Variants in PSME4 observed in about 807,000 individuals in gnomAD.
PSME4 encodes proteasome activator subunit 4, also known as proteasome activator complex subunit 4.
PSME4 carries 89 observed loss-of-function variants against 253.9 expected under a neutral mutation model. The observed-to-expected ratio is 0.35, with a 90% CI of 0.30 to 0.42. The LOEUF is 0.42. Ranked by LOEUF, PSME4 falls within the 10% of genes least tolerant of loss-of-function variation. The probability of loss-of-function intolerance (pLI) is 1.00; values close to 1 mark genes in which losing one functional copy is unlikely to be tolerated. For synonymous variants in PSME4, 851 were observed against 759.2 expected, an observed-to-expected ratio of 1.12 and a Z score of -1.99; for missense variants, 2,014 against 2,195.2, an observed-to-expected ratio of 0.92 and a Z score of 1.65.
rs763421444 is a variant in PSME4 at position 53,875,773 on chromosome 2, A to G, written c.4816-18T>C. ...GGGGCAATCTAAAAAACAATGTAAA[A>G]AGGACAAAAATGGAAAAATAATTGC... On this transcript the variant is annotated intron_variant, in intron 41 of 46. Transcript: ENST00000404125. The G allele has an allele frequency of 6.2e-6, 10 of 1,605,906 alleles. No homozygotes were observed. The South Asian group carries it at 1.0e-4, about 16-fold the overall frequency.
intron 1 of PSME4, among the ~76,000 whole-genome samples, chr2:53,969,261 G>A (rs1670906839): frequency 6.6e-6 from 1 of 152,188 alleles, no homozygotes; most frequent in African/African-American, 2.4e-5. Context: ...TAGTCAAGGG[G>A]AGAGCTGTTA....
At chr2:53,967,510 C>T (rs1222248728) in intron 1 of PSME4, among the ~76,000 whole-genome samples, 2 of 151,542 alleles carry the variant, frequency 1.3e-5, no homozygotes, top group Non-Finnish European at 2.9e-5. Flanking sequence ...GGCGTGGCAG[C>T]GCACAACTGT....
chr2:53,890,375 T>C (rs959079358), intron 36 of PSME4, among the ~76,000 whole-genome samples, 167 bp from the exon 37 acceptor site: 2 of 152,194 alleles, frequency 1.3e-5, no homozygotes, highest in Non-Finnish European at 1.5e-5. Context: ...GGAATGATCA[T>C]ACCTCGATGT....
chr2:53,887,244 AT>A lies in PSME4; in HGVS notation c.4729+14del, dbSNP rs774359705. 11 of 1,595,862 alleles carry A rather than the reference AT, an allele frequency of 6.9e-6. No individual in the cohort carries two copies. Among genetic ancestry groups the A allele is most frequent in the Admixed American group, 1.7e-5 (1 of 59,868 alleles). ...GATGTTTTCAACTGAGTTTCTACTAATTTTATCCACTCACTGGTTTTCAAGA... is the reference window on the plus strand; with the variant it reads ...GATGTTTTCAACTGAGTTTCTACTAATTTATCCACTCACTGGTTTTCAAGA... On this transcript the variant is annotated intron_variant, in intron 40 of 46. Coordinates refer to ENST00000404125, the MANE Select transcript of PSME4 (RefSeq NM_014614.3).
intron 1 of PSME4, among the ~76,000 whole-genome samples, chr2:53,954,285 G>A (rs951017758): frequency 7.3e-5 from 11 of 151,062 alleles, no homozygotes; most frequent in South Asian, 6.3e-4. Context: ...CCAAGATCTC[G>A]CTGCTGCACT....
chr2:53,949,487 AT>A (rs1357000832), intron 1 of PSME4, among the ~76,000 whole-genome samples: 2 of 141,778 alleles, frequency 1.4e-5, no homozygotes, highest in Admixed American at 1.4e-4. Context: ...AAAACTTTTT[AT>A]TGGTTTTCTG....
Position 53,923,415 on chromosome 2 carries a change from G to T in PSME4, c.1814C>A (p.Ala605Asp). Reference protein sequence around the residue: ...TQCSKEIFMVALQKVFNFSTS... With the variant: ...TQCSKEIFMVDLQKVFNFSTS... The stretch of plus-strand genomic sequence containing the variant: ...AGAAAAATTAAAAACCTTCTGAAGG[G>T]CCACCTGTTAAGATATGAAAATGTT... Residue 605 changes from alanine to aspartate, a missense_variant, in exon 15 of 47, where the codon GCC (alanine) becomes GAC (aspartate). This residue lies in a region of PSME4 where 989 missense variants were observed against 1,021.1 expected (regional missense o/e 0.97). Transcript: ENST00000404125. The T allele has an allele frequency of 6.3e-7, 1 of 1,597,966 alleles. No homozygotes were observed. The highest frequency in any genetic ancestry group is 8.5e-7 in the Non-Finnish European group (1 of 1,174,628).
At chr2:53,950,510 G>A (rs1488864893) in intron 1 of PSME4, among the ~76,000 whole-genome samples, 1 of 152,116 alleles carries the variant, frequency 6.6e-6, no homozygotes, top group Non-Finnish European at 1.5e-5. Flanking sequence ...TATAAACAAT[G>A]TAATCAAAAG....
At chr2:53,896,706 G>A (rs1680153096) in intron 32 of PSME4, 98 bp downstream of exon 32, 1 of 883,972 alleles carries the variant, frequency 1.1e-6, no homozygotes, top group Non-Finnish European at 1.9e-6. Context: ...AATATCCATA[G>A]AACAATATTT....
rs549340587 is a variant in PSME4 at position 53,867,837 on chromosome 2, A to T, written c.5264-957T>A. 7.2e-5 allele frequency among the ~76,000 whole-genome samples: 11 copies of T among 152,194 alleles called. No individual in the cohort carries two copies. The East Asian group carries it at 1.9e-3, about 27-fold the overall frequency. On this transcript the variant is annotated intron_variant, in intron 44 of 46. Coordinates refer to ENST00000404125, the MANE Select transcript of PSME4 (RefSeq NM_014614.3). ...TGACGCCCCTACCCAGAATACATCA[A>T]TTCATTAGTAAACACATCATGTATG...
intron 1 of PSME4, among the ~76,000 whole-genome samples, chr2:53,962,214 G>T (rs1431754187): frequency 6.6e-6 from 1 of 152,146 alleles, no homozygotes; most frequent in Non-Finnish European, 1.5e-5. Flanking sequence ...GCTTGTAAGA[G>T]AAGTTACTAT....
chr2:53,936,014 C>T, intron 7 of PSME4, 73 bp downstream of exon 7: 1 of 1,534,792 alleles, frequency 6.5e-7, no homozygotes, highest in Non-Finnish European at 8.8e-7. Context: ...CTGCCTCAGC[C>T]ACCCGAGCAG....
rs754985872 is a variant in PSME4 at position 53,921,084 on chromosome 2, C to T, written c.2067G>A (p.Arg689=). 7 of 1,613,680 alleles carry T rather than the reference C, an allele frequency of 4.3e-6. No homozygotes were observed. Among genetic ancestry groups the T allele is most frequent in the Non-Finnish European group, 5.9e-6 (7 of 1,179,926 alleles). The stretch of plus-strand genomic sequence containing the variant: ...GCTGCTCCCTATAAAGAAGCAACTT[C>T]CTTCCATCCACTCGAGTAATCTAAA... ...LLSEITRVDG[R]KLLLYREQLV... Residue 689 remains arginine, a synonymous_variant, in exon 18 of 47, where the codon AGG becomes AGA. Coordinates refer to ENST00000404125, the MANE Select transcript of PSME4 (RefSeq NM_014614.3).
intron 5 of PSME4, 65 bp downstream of exon 5, chr2:53,937,326 A>G (rs1669170997): frequency 5.9e-6 from 8 of 1,359,996 alleles, no homozygotes; most frequent in Non-Finnish European, 8.0e-6. Flanking sequence ...TTATTGTTTT[A>G]CTAGTTTCTT....
rs956120034 is a variant in PSME4 at position 53,970,880 on chromosome 2, G to A, written c.-96C>T. On this transcript the variant is annotated 5_prime_UTR_variant, in exon 1 of 47. Transcript: ENST00000404125. The stretch of plus-strand genomic sequence containing the variant: ...GCCTCCTCCGCGTCTTCGTCGCCCT[G>A]CGGCCGCTGGCGGCCCGTCGCCCTC... 3 of 1,066,890 alleles carry A rather than the reference G, an allele frequency of 2.8e-6. No individual in the cohort carries two copies. The highest frequency in any genetic ancestry group is 1.8e-5 in the African/African-American group (1 of 56,822). The allele number at this position is 1,066,890 out of a possible 1,614,324, so 66.1% of individuals were successfully genotyped here. A position where few individuals can be genotyped will look rare whatever the true frequency, so the allele number is the denominator to read the frequency against.
chr2:53,915,554 G>C lies in PSME4; in HGVS notation c.2516+3597C>G, dbSNP rs533674006. Among the ~76,000 whole-genome samples the C allele has an allele frequency of 1.1e-4, 17 of 151,782 alleles. No individual in the cohort carries two copies. The South Asian group carries it at 3.1e-3, about 28-fold the overall frequency. Reference sequence around the variant, plus strand: ...AGTCTGGGCAACATAGTGAGACCTTGTCTCTCTATATTTTTTTTAAAGTAG... The same window carrying C: ...AGTCTGGGCAACATAGTGAGACCTTCTCTCTCTATATTTTTTTTAAAGTAG... On this transcript the variant is annotated intron_variant, in intron 20 of 46. Coordinates refer to ENST00000404125, the MANE Select transcript of PSME4 (RefSeq NM_014614.3).
At chr2:53,969,089 C>T (rs1463992075) in intron 1 of PSME4, among the ~76,000 whole-genome samples, 2 of 152,184 alleles carry the variant, frequency 1.3e-5, no homozygotes, top group African/African-American at 2.4e-5. Flanking sequence ...GCCTGAGCAA[C>T]ACAAAAACCT....
At chr2:53,875,568 T>C in intron 42 of PSME4, 59 bp downstream of exon 42, 1 of 1,509,400 alleles carries the variant, frequency 6.6e-7, no homozygotes, top group Non-Finnish European at 9.0e-7. Context: ...TGACTGAAAT[T>C]CTTAGAATGG....
In PSME4 at chr2:53,903,964, T is replaced by C. The variant is rs1034900049; in HGVS notation, c.3075+61A>G. The C allele has an allele frequency of 4.2e-6, 6 of 1,415,312 alleles. No homozygotes were observed. The African/African-American group carries it at 8.6e-5, about 20-fold the overall frequency. The allele number at this position is 1,415,312 out of a possible 1,614,324, so 87.7% of individuals were successfully genotyped here. A position where few individuals can be genotyped will look rare whatever the true frequency, so the allele number is the denominator to read the frequency against. ...AAGATATGGATGTTTACCGTAGAAT[T>C]TTTTCAGCTTTTCAGTATGTTTGAA... On this transcript the variant is annotated intron_variant, in intron 27 of 46. Transcript: ENST00000404125.
Sources: gnomAD v4.1 joint callset for allele counts (sites outside exome capture counted in the v4.1 genomes callset) on GRCh38, gnomAD v4.1.1 for gene constraint, gnomAD v4.1.1 regional missense constraint, MANE v1.5 for transcripts, NCBI Gene and HGNC (gene_info 2026-07-23, HGNC 2026-07-21) for gene names.